The following ZBTB37 variants were observed in gnomAD, a reference collection of about 807,000 sequenced individuals.
ZBTB37 encodes the protein zinc finger and BTB domain containing 37.
A neutral mutation model predicts 37.7 loss-of-function variants in ZBTB37; 15 were observed. That is an observed-to-expected ratio of 0.40 (90% confidence interval 0.27 to 0.61). The LOEUF (loss-of-function observed/expected upper bound fraction) is 0.61. Ranked by LOEUF, ZBTB37 falls within the 20% of genes least tolerant of loss-of-function variation. The pLI is 0.44. For missense variants in ZBTB37, 514 were observed against 641.9 expected (o/e 0.80, Z 2.15); for synonymous variants, 231 against 220.6 (o/e 1.05, Z -0.42).
chr1:173,893,935 C>G (rs1303809996), exon 4 of ZBTB37: 1 of 152,184 alleles, frequency 6.6e-6, no homozygotes, highest in African/African-American at 2.4e-5. Flanking sequence ...AATCTTGATT[C>G]CAAAGCCCAG....
chr1:173,878,106 C>T (rs1335284606), intron 4 of ZBTB37, among the ~76,000 whole-genome samples: 1 of 152,222 alleles, frequency 6.6e-6, no homozygotes, highest in Non-Finnish European at 1.5e-5. Flanking sequence ...CATCTAAAGT[C>T]TGAATGCCTC....
exon 4 of ZBTB37, chr1:173,899,230 C>CTA: frequency 6.6e-6 from 1 of 152,044 alleles, no homozygotes. Context: ...AGTTCTCTGC[C>CTA]TATAAGCCAT....
intron 4 of ZBTB37, among the ~76,000 whole-genome samples, chr1:173,877,659 T>G (rs1365403597): frequency 4.6e-5 from 7 of 152,232 alleles, no homozygotes; most frequent in African/African-American, 1.7e-4. Context: ...AAGACCAAGG[T>G]GCAGTCCTCC....
At chr1:173,900,074 T>C (rs902790097) in exon 4 of ZBTB37, 2 of 152,242 alleles carry the variant, frequency 1.3e-5, no homozygotes, top group African/African-American at 4.8e-5. Context: ...CAGCAATTTC[T>C]ATTTGTAAAA....
chr1:173,884,701 A>G (rs1280048444), intron 4 of ZBTB37, among the ~76,000 whole-genome samples: 1 of 152,236 alleles, frequency 6.6e-6, no homozygotes, highest in Non-Finnish European at 1.5e-5. Context: ...AAAATGTGGT[A>G]TTAATGATAA....
exon 4 of ZBTB37, chr1:173,899,528 C>G (rs751271649): frequency 7.2e-5 from 11 of 152,200 alleles, no homozygotes; most frequent in Non-Finnish European, 1.5e-4. Context: ...TACCTTTTCT[C>G]TCTCTAGCTT....
exon 4 of ZBTB37, chr1:173,895,726 G>GTTGTTAC (rs1425736484): frequency 1.3e-5 from 2 of 152,176 alleles, no homozygotes; most frequent in African/African-American, 4.8e-5. Flanking sequence ...AAAATTGGCA[G>GTTGTTAC]TTGTTACCAG....
chr1:173,886,352 T>C (rs1656622581), exon 5 of ZBTB37: 1 of 632,112 alleles, frequency 1.6e-6, no homozygotes, highest in African/African-American at 1.8e-5. Context: ...AAATCAACTT[T>C]CTAATTCAGG....
intron 4 of ZBTB37, among the ~76,000 whole-genome samples, chr1:173,883,498 A>G (rs1200229523): frequency 6.6e-6 from 1 of 152,192 alleles, no homozygotes; most frequent in Non-Finnish European, 1.5e-5. Flanking sequence ...TACTGTTATC[A>G]TGTTCAATTC....
At chr1:173,898,846 TC>T (rs1657154531) in exon 4 of ZBTB37, 1 of 152,236 alleles carries the variant, frequency 6.6e-6, no homozygotes, top group Non-Finnish European at 1.5e-5. Flanking sequence ...TCCTTTGATA[TC>T]CTAGAATGCT....
At chr1:173,868,599 C>G (rs1000247329) in intron 1 of ZBTB37, among the ~76,000 whole-genome samples, 194 bp downstream of exon 1, 1 of 152,218 alleles carries the variant, frequency 6.6e-6, no homozygotes, top group Non-Finnish European at 1.5e-5. Context: ...GACCCGCCCC[C>G]TCGCGGGGCC....
chr1:173,890,106 C>T (rs1161217249), downstream of ZBTB37: 1 of 151,118 alleles, frequency 6.6e-6, no homozygotes, highest in African/African-American at 2.4e-5. Context: ...TCAAGTGGTC[C>T]TCCTTCCTCA....
intron 3 of ZBTB37, among the ~76,000 whole-genome samples, chr1:173,872,234 A>G (rs953116544): frequency 1.3e-5 from 2 of 151,464 alleles, no homozygotes; most frequent in East Asian, 3.9e-4. Flanking sequence ...ATGCTCAGCT[A>G]ATTTTTGTGT....
chr1:173,884,296 G>A (rs967299806), intron 4 of ZBTB37, among the ~76,000 whole-genome samples: 2 of 151,512 alleles, frequency 1.3e-5, no homozygotes, highest in Admixed American at 1.3e-4. Context: ...GGGACTACAT[G>A]TGCGCACCTC....
downstream of ZBTB37, chr1:173,888,216 A>T (rs1456853767): frequency 1.3e-5 from 2 of 152,160 alleles, no homozygotes; most frequent in East Asian, 3.9e-4. Context: ...TGTGGCATAG[A>T]AAAGGTAAAG....
At chr1:173,891,667 C>T (rs751668705) in exon 4 of ZBTB37, 2 of 152,116 alleles carry the variant, frequency 1.3e-5, no homozygotes, top group African/African-American at 2.4e-5. Flanking sequence ...ACAGCAGACA[C>T]CTATAATCCC....
chr1:173,881,603 C>T (rs986448268), intron 4 of ZBTB37, among the ~76,000 whole-genome samples: 11 of 152,212 alleles, frequency 7.2e-5, no homozygotes, highest in African/African-American at 2.7e-4. Flanking sequence ...TCTCCACATC[C>T]TCTCCAGCAC....
At chr1:173,903,344 G>A (rs922488700) in exon 4 of ZBTB37, 2 of 157,488 alleles carry the variant, frequency 1.3e-5, no homozygotes, top group African/African-American at 2.4e-5. Flanking sequence ...CATATTTAAA[G>A]CAGTTTAGCA....
At chr1:173,881,222 G>C (rs2102741334) in intron 4 of ZBTB37, among the ~76,000 whole-genome samples, 1 of 151,760 alleles carries the variant, frequency 6.6e-6, no homozygotes, top group African/African-American at 2.4e-5. Context: ...TTCCGTCCTT[G>C]TGATAGTTTG....
Sources: allele counts gnomAD v4.1 joint callset (sites outside exome capture counted in the v4.1 genomes callset), GRCh38; gene constraint gnomAD v4.1.1; transcripts MANE v1.5; gene names NCBI Gene and HGNC (gene_info 2026-07-23, HGNC 2026-07-21).